The following COL5A2 variants were observed in gnomAD, a reference collection of about 807,000 sequenced individuals.
COL5A2 encodes the protein collagen type V alpha 2 chain.
COL5A2 carries 23 observed loss-of-function variants against 208.2 expected under a neutral mutation model. The ratio of observed to expected loss-of-function variants is 0.11; its 90% CI spans 0.08 to 0.16. The LOEUF (loss-of-function observed/expected upper bound fraction) is 0.16, where lower values mean the gene tolerates loss of function less well. Ranked by LOEUF, COL5A2 falls within the 10% of genes least tolerant of loss-of-function variation. The probability of loss-of-function intolerance (pLI) is 1.00; values close to 1 mark genes in which losing one functional copy is unlikely to be tolerated. For synonymous variants in COL5A2, 625 were observed against 628.5 expected (o/e 0.99, Z 0.08); for missense variants, 1,590 against 1,956.4 (o/e 0.81, Z 3.53).
chr2:189,193,866 A>C (rs377763366), intron 1 of COL5A2, among the ~76,000 whole-genome samples: 1 of 152,192 alleles, frequency 6.6e-6, no homozygotes, highest in African/African-American at 2.4e-5. Context: ...TTATGGCAAC[A>C]GATTAAAATC....
the COL5A2 span, among the ~76,000 whole-genome samples, chr2:189,387,171 T>A: frequency 0.23 from 35,296 of 152,030 alleles, 4,204 homozygotes; most frequent in African/African-American, 0.26. Context: ...GCAGCAACAT[T>A]GATGCTGCTA....
the COL5A2 span, among the ~76,000 whole-genome samples, chr2:189,273,880 G>C: frequency 2.0e-5 from 3 of 152,018 alleles, no homozygotes; most frequent in East Asian, 5.8e-4. Context: ...TTGGTGAAAG[G>C]ACACAAAATT....
At chr2:189,318,320 T>A in the COL5A2 span, among the ~76,000 whole-genome samples, 2 of 152,238 alleles carry the variant, frequency 1.3e-5, no homozygotes, top group African/African-American at 4.8e-5. Context: ...TGTCAACCTA[T>A]ATAATGCTGA....
the COL5A2 span, chr2:189,312,030 G>T: frequency 1.3e-6 from 1 of 755,062 alleles, no homozygotes; most frequent in Non-Finnish European, 2.4e-6. Flanking sequence ...GGCCAGCTCT[G>T]TCTCATACTT....
chr2:189,050,976 G>T (rs943171356), intron 42 of COL5A2, among the ~76,000 whole-genome samples: 1 of 151,822 alleles, frequency 6.6e-6, no homozygotes, highest in Admixed American at 6.6e-5. Flanking sequence ...AAGACAAAAA[G>T]AAAGTTTAAC....
rs555799951 is a variant in COL5A2 at position 189,037,061 on chromosome 2, T to C, written c.3926-258A>G. 2.0e-5 allele frequency among the ~76,000 whole-genome samples: 3 copies of C among 152,278 alleles called. No individual in the cohort carries two copies. In the South Asian group the frequency reaches 6.2e-4, roughly 32 times the overall value. The stretch of plus-strand genomic sequence containing the variant: ...TATGAAGGAAATATCATTACCCCCA[T>C]TTTATAGATGAGAAAACCATACCGA... On this transcript the variant is annotated intron_variant, in intron 51 of 53. Coordinates refer to ENST00000374866, the MANE Select transcript of COL5A2 (RefSeq NM_000393.5).
At chr2:189,190,167 T>A (rs1412587837) in intron 1 of COL5A2, among the ~76,000 whole-genome samples, 1 of 152,120 alleles carries the variant, frequency 6.6e-6, no homozygotes, top group Non-Finnish European at 1.5e-5. Flanking sequence ...CATTCACCAG[T>A]TGGAGAGTGT....
intron 1 of COL5A2, among the ~76,000 whole-genome samples, chr2:189,175,411 T>TA (rs200924722): frequency 1.4e-4 from 21 of 150,162 alleles, no homozygotes; most frequent in South Asian, 4.2e-4. Flanking sequence ...AAAATAAATT[T>TA]AAAAAAAAAT....
chr2:189,097,133 T>A (rs1419154998), intron 6 of COL5A2, 144 bp downstream of exon 6: 1 of 735,680 alleles, frequency 1.4e-6, no homozygotes, highest in African/African-American at 1.8e-5. Context: ...TCTAATAAGA[T>A]AATATACAAT....
the COL5A2 span, among the ~76,000 whole-genome samples, chr2:189,364,739 A>T: frequency 6.6e-6 from 1 of 152,188 alleles, no homozygotes; most frequent in Non-Finnish European, 1.5e-5. Flanking sequence ...CACATAAAGA[A>T]CTTGAAAATT....
chr2:189,063,163 T>C lies in COL5A2; in HGVS notation c.1869+9A>G. On this transcript the variant is annotated intron_variant, in intron 27 of 53. Transcript: ENST00000374866. The stretch of plus-strand genomic sequence containing the variant: ...ATGAGGTGGCCAACATATTATACAC[T>C]GTACTCACACTGCTACCTTTGGGGC... The C allele has an allele frequency of 9.9e-6, 16 of 1,613,480 alleles. No individual in the cohort carries two copies. Among genetic ancestry groups the C allele is most frequent in the Non-Finnish European group, 1.4e-5 (16 of 1,179,360 alleles).
intron 1 of COL5A2, among the ~76,000 whole-genome samples, chr2:189,209,606 C>G: frequency 6.6e-6 from 1 of 152,082 alleles, no homozygotes; most frequent in East Asian, 1.9e-4. Context: ...AAAGAACTTC[C>G]TTTTAACAAC....
the COL5A2 span, among the ~76,000 whole-genome samples, chr2:189,306,635 T>C: frequency 1.3e-5 from 2 of 152,190 alleles, no homozygotes; most frequent in Non-Finnish European, 2.9e-5. Context: ...CTATTAATGT[T>C]AGCTTGTTTT....
intron 46 of COL5A2, 105 bp from the exon 47 acceptor site, chr2:189,045,337 T>C (rs891048668): frequency 1.3e-5 from 9 of 712,608 alleles, no homozygotes; most frequent in South Asian, 6.6e-5. Flanking sequence ...TGCATATATA[T>C]ATATGTGTGT....
At chr2:189,387,183 A>G in the COL5A2 span, among the ~76,000 whole-genome samples, 1 of 152,194 alleles carries the variant, frequency 6.6e-6, no homozygotes, top group South Asian at 2.1e-4. Context: ...ATGCTGCTAC[A>G]TGCCATTATC....
At chr2:189,242,187 T>A in the COL5A2 span, among the ~76,000 whole-genome samples, 1 of 152,210 alleles carries the variant, frequency 6.6e-6, no homozygotes, top group Non-Finnish European at 1.5e-5. Flanking sequence ...AACCATTTGA[T>A]ACCTTTGTGC....
chr2:189,205,742 A>T (rs1412660875), intron 1 of COL5A2, among the ~76,000 whole-genome samples: 3 of 152,186 alleles, frequency 2.0e-5, no homozygotes, highest in Non-Finnish European at 2.9e-5. Flanking sequence ...ATTTCTTGTG[A>T]TTCCTATAGT....
the COL5A2 span, among the ~76,000 whole-genome samples, chr2:189,366,891 G>A: frequency 2.6e-5 from 4 of 152,158 alleles, no homozygotes; most frequent in African/African-American, 9.7e-5. Flanking sequence ...CAAATCAGGC[G>A]AGAAATGCTT....
the COL5A2 span, among the ~76,000 whole-genome samples, chr2:189,401,467 G>A: frequency 6.6e-6 from 1 of 152,032 alleles, no homozygotes; most frequent in African/African-American, 2.4e-5. Context: ...GTCAATTATT[G>A]ATGGACATTT....
Sources: allele counts gnomAD v4.1 joint callset (sites outside exome capture counted in the v4.1 genomes callset), GRCh38; gene constraint gnomAD v4.1.1; transcripts MANE v1.5; gene names NCBI Gene and HGNC (gene_info 2026-07-23, HGNC 2026-07-21).